Variants in PDSS2 observed in about 807,000 individuals in gnomAD.
PDSS2 encodes the protein decaprenyl diphosphate synthase subunit 2, also known as all trans-polyprenyl-diphosphate synthase PDSS2.
A neutral mutation model predicts 44.5 loss-of-function variants in PDSS2; 31 were observed. The observed-to-expected ratio is 0.70, with a 90% CI of 0.52 to 0.94. PDSS2 has a LOEUF of 0.94. PDSS2 is among the 40% of genes least tolerant of loss of function. PDSS2 has a pLI of 0.00. For synonymous variants in PDSS2, 157 were observed against 180.3 expected (o/e 0.87, Z 1.03); for missense variants, 452 against 482.2 (o/e 0.94, Z 0.59).
chr6:107,361,168 A>C (rs574742833), intron 1 of PDSS2, among the ~76,000 whole-genome samples: 2 of 152,352 alleles, frequency 1.3e-5, no homozygotes, highest in South Asian at 4.1e-4. Flanking sequence ...CATTTTTAAA[A>C]AGTAAACATA....
chr6:107,453,112 C>A (rs191657383), intron 1 of PDSS2, among the ~76,000 whole-genome samples: 55 of 151,858 alleles, frequency 3.6e-4, no homozygotes, highest in Non-Finnish European at 7.4e-4. Flanking sequence ...CTCTGTCGCC[C>A]AAGCTGGAGT....
chr6:107,371,243 G>C (rs1166237801), intron 1 of PDSS2, among the ~76,000 whole-genome samples: 1 of 151,878 alleles, frequency 6.6e-6, no homozygotes, highest in Admixed American at 6.6e-5. Context: ...AGCTATTACT[G>C]TAAAACATCA....
At chr6:107,195,561 A>ATT (rs777004545) in intron 6 of PDSS2, among the ~76,000 whole-genome samples, 26 of 125,068 alleles carry the variant, frequency 2.1e-4, no homozygotes, top group African/African-American at 4.1e-4. Flanking sequence ...AGATGACTCC[A>ATT]TTTTTTTTTT....
rs754519009 is a variant in PDSS2 at position 107,347,577 on chromosome 6, C to A, written c.297-13245G>T. On this transcript the variant is annotated intron_variant, in intron 1 of 7. Transcript: ENST00000369037. ...TGCACCTAGCCTCCTAAAATTATAT[C>A]TTTTAGGGAAGGAGGAGCTTACGCT... 1.3e-5 allele frequency among the ~76,000 whole-genome samples: 2 copies of A among 152,028 alleles called. 1 individual carries two copies. Among genetic ancestry groups the A allele is most frequent in the South Asian group, 4.2e-4 (2 of 4,818 alleles).
At chr6:107,224,069 G>A (rs561835762) in intron 4 of PDSS2, among the ~76,000 whole-genome samples, 2 of 151,422 alleles carry the variant, frequency 1.3e-5, no homozygotes, top group African/African-American at 2.5e-5. Flanking sequence ...CTGATGATAC[G>A]AAGTGGAACA....
At chr6:107,229,331 C>CAT (rs1773953923) in intron 4 of PDSS2, among the ~76,000 whole-genome samples, 1 of 152,022 alleles carries the variant, frequency 6.6e-6, no homozygotes, top group South Asian at 2.1e-4. Flanking sequence ...GGGTTACAGG[C>CAT]GTGCACCACC....
chr6:107,422,614 T>C (rs1780862070), intron 1 of PDSS2, among the ~76,000 whole-genome samples: 1 of 152,078 alleles, frequency 6.6e-6, no homozygotes, highest in Non-Finnish European at 1.5e-5. Context: ...TTCATTATAA[T>C]GAAATATCAC....
intron 2 of PDSS2, among the ~76,000 whole-genome samples, chr6:107,293,022 G>A (rs895834942): frequency 2.6e-5 from 4 of 152,198 alleles, no homozygotes; most frequent in Non-Finnish European, 4.4e-5. Context: ...GTATCAATTC[G>A]GTTTATCAGA....
chr6:107,273,622 G>GT (rs1367151861), intron 3 of PDSS2, among the ~76,000 whole-genome samples: 2 of 151,872 alleles, frequency 1.3e-5, no homozygotes, highest in Admixed American at 6.6e-5. Context: ...TACATAGCAA[G>GT]TTCTCATATA....
chr6:107,184,395 G>A (rs1420119161), intron 7 of PDSS2, among the ~76,000 whole-genome samples: 2 of 152,306 alleles, frequency 1.3e-5, no homozygotes, highest in South Asian at 2.1e-4. Flanking sequence ...GACTCAATAT[G>A]CAGAAAAATG....
chr6:107,322,335 C>T (rs1489139991), intron 2 of PDSS2, among the ~76,000 whole-genome samples: 1 of 151,658 alleles, frequency 6.6e-6, no homozygotes, highest in Non-Finnish European at 1.5e-5. Flanking sequence ...GCCTGACCAA[C>T]AGTGAAATCC....
intron 4 of PDSS2, among the ~76,000 whole-genome samples, chr6:107,243,205 C>T (rs987305219): frequency 6.6e-6 from 1 of 152,156 alleles, no homozygotes; most frequent in African/African-American, 2.4e-5. Context: ...AATATATTAA[C>T]AAATAATTTT....
At chr6:107,283,103 T>C (rs1776023203) in intron 2 of PDSS2, among the ~76,000 whole-genome samples, 1 of 150,870 alleles carries the variant, frequency 6.6e-6, no homozygotes, top group Non-Finnish European at 1.5e-5. Flanking sequence ...GAGGATTGCT[T>C]CGCCCAGGAG....
At chr6:107,255,198 ATTT>A (rs771098042) in intron 3 of PDSS2, among the ~76,000 whole-genome samples, 3 of 126,338 alleles carry the variant, frequency 2.4e-5, no homozygotes, top group African/African-American at 3.0e-5. Flanking sequence ...ATTGCATTCT[ATTT>A]TTTTTTTTTT....
At chr6:107,240,069 G>A (rs1316460461) in intron 4 of PDSS2, among the ~76,000 whole-genome samples, 1 of 151,920 alleles carries the variant, frequency 6.6e-6, no homozygotes, top group Non-Finnish European at 1.5e-5. Context: ...TAACATGAGC[G>A]TAATATATAA....
chr6:107,405,259 C>T (rs907378894), intron 1 of PDSS2, among the ~76,000 whole-genome samples: 20 of 152,010 alleles, frequency 1.3e-4, no homozygotes, highest in African/African-American at 4.8e-4. Flanking sequence ...CGCCACTAGA[C>T]TGGTAGTATA....
At chr6:107,426,366 G>A (rs1029038353) in intron 1 of PDSS2, among the ~76,000 whole-genome samples, 6 of 152,366 alleles carry the variant, frequency 3.9e-5, no homozygotes, top group African/African-American at 1.4e-4. Context: ...AGATTTCAGA[G>A]GATGTATGGA....
chr6:107,163,600 CTT>C (rs1174942612), intron 7 of PDSS2, among the ~76,000 whole-genome samples: 2 of 145,078 alleles, frequency 1.4e-5, no homozygotes, highest in Non-Finnish European at 3.0e-5. Context: ...TGATCTTGTT[CTT>C]TTTTTTTTTT....
chr6:107,414,806 G>A (rs1780609109), intron 1 of PDSS2, among the ~76,000 whole-genome samples: 1 of 152,212 alleles, frequency 6.6e-6, no homozygotes, highest in Non-Finnish European at 1.5e-5. Flanking sequence ...GAGACAGCAA[G>A]AAGGGTTAGG....
Sources: gnomAD v4.1 joint callset for allele counts (sites outside exome capture counted in the v4.1 genomes callset) on GRCh38, gnomAD v4.1.1 for gene constraint, MANE v1.5 for transcripts, NCBI Gene and HGNC (gene_info 2026-07-23, HGNC 2026-07-21) for gene names.